The following GRID1 variants were observed in gnomAD, a reference collection of about 807,000 sequenced individuals.
The protein encoded by GRID1 is glutamate receptor ionotropic, delta-1.
In GRID1, 28 loss-of-function variants were observed where a neutral mutation model predicts 98.0. That is an observed-to-expected ratio of 0.29 (90% confidence interval 0.21 to 0.39). The LOEUF is 0.39. GRID1 is among the 10% of genes least tolerant of loss of function. GRID1 has a pLI of 1.00. For missense variants in GRID1, 1,111 were observed against 1,340.5 expected, an observed-to-expected ratio of 0.83 and a Z score of 2.67; for synonymous variants, 553 against 538.5, an observed-to-expected ratio of 1.03 and a Z score of -0.37.
intron 4 of GRID1, among the ~76,000 whole-genome samples, chr10:86,081,256 G>A (rs1484001751): frequency 1.3e-5 from 2 of 152,210 alleles, no homozygotes; most frequent in African/African-American, 4.8e-5. Context: ...GGCTGGGGAT[G>A]AAAATGGATG....
intron 6 of GRID1, 87 bp from the exon 7 acceptor site, chr10:85,856,277 G>A (rs117811337): frequency 0.059 from 71,694 of 1,205,188 alleles, 2,582 homozygotes; most frequent in Non-Finnish European, 0.07. Flanking sequence ...GAGGAATGCA[G>A]GATGCCAACA....
chr10:86,273,684 T>A (rs1221183344), intron 2 of GRID1, among the ~76,000 whole-genome samples: 1 of 152,200 alleles, frequency 6.6e-6, no homozygotes, highest in Non-Finnish European at 1.5e-5. Flanking sequence ...CATTTTTTCA[T>A]GTGTTTTTTG....
At chr10:86,001,956 T>C (rs1352733024) in intron 4 of GRID1, among the ~76,000 whole-genome samples, 1 of 152,208 alleles carries the variant, frequency 6.6e-6, no homozygotes, top group African/African-American at 2.4e-5. Flanking sequence ...TTCCTTGTCC[T>C]GTGGCAGTAT....
chr10:85,625,437 G>A (rs117365146), intron 13 of GRID1, among the ~76,000 whole-genome samples: 2,774 of 152,250 alleles, frequency 0.018, 42 homozygotes, highest in East Asian at 0.06. Flanking sequence ...TTCATTCTCC[G>A]CTTTTCCTAA....
chr10:86,193,719 C>A (rs1845836483), intron 3 of GRID1, among the ~76,000 whole-genome samples: 1 of 152,032 alleles, frequency 6.6e-6, no homozygotes, highest in Admixed American at 6.6e-5. Flanking sequence ...CAGCTCCAGG[C>A]CTGTCAGAGA....
chr10:86,132,965 G>C (rs564609886), intron 4 of GRID1, among the ~76,000 whole-genome samples: 6 of 152,232 alleles, frequency 3.9e-5, no homozygotes, highest in Non-Finnish European at 8.8e-5. Flanking sequence ...TCTTGTACCA[G>C]AGCAACGGAA....
At chr10:86,338,442 G>A (rs566206403) in intron 2 of GRID1, among the ~76,000 whole-genome samples, 1 of 152,320 alleles carries the variant, frequency 6.6e-6, no homozygotes, top group African/African-American at 2.4e-5. Context: ...AGCCTGCCCT[G>A]AATCCCCTTT....
chr10:86,129,985 C>T (rs1844809673), intron 4 of GRID1, among the ~76,000 whole-genome samples: 1 of 152,262 alleles, frequency 6.6e-6, no homozygotes, highest in African/African-American at 2.4e-5. Flanking sequence ...TCTCCTGGAA[C>T]TCCGCTGCTG....
At chr10:85,786,049 C>A (rs966100207) in intron 8 of GRID1, among the ~76,000 whole-genome samples, 8 of 152,088 alleles carry the variant, frequency 5.3e-5, no homozygotes, top group Non-Finnish European at 1.0e-4. Flanking sequence ...GACACATACA[C>A]ACCATATACA....
chr10:85,781,866 A>G (rs902320351), intron 8 of GRID1, among the ~76,000 whole-genome samples: 15 of 151,932 alleles, frequency 9.9e-5, no homozygotes, highest in Admixed American at 6.5e-4. Context: ...CTGGGCCTGG[A>G]TTTATACACA....
intron 2 of GRID1, among the ~76,000 whole-genome samples, chr10:86,338,365 G>A (rs181086636): frequency 1.3e-5 from 2 of 152,264 alleles, no homozygotes; most frequent in Admixed American, 6.5e-5. Flanking sequence ...AGTGGATGAC[G>A]TGGAAGGAGC....
chr10:85,599,802 A>AAAAAAAAAAAAAAAAAAAATATAT lies in GRID1; in HGVS notation c.*2470_*2471insATATATTTTTTTTTTTTTTTTTTT. On this transcript the variant is annotated 3_prime_UTR_variant, in exon 16 of 16. Transcript: ENST00000327946. The stretch of plus-strand genomic sequence containing the variant: ...GTAGAAAATTCTAAAAAAAAAAAAA[A>AAAAAAAAAAAAAAAAAAAATATAT]ATATATATATATATATATAAACATG... 2.6e-4 allele frequency: 17 copies of AAAAAAAAAAAAAAAAAAAATATAT among 64,966 alleles called. No individual in the cohort carries two copies. Among genetic ancestry groups the AAAAAAAAAAAAAAAAAAAATATAT allele is most frequent in the African/African-American group, 1.5e-3 (16 of 10,716 alleles). The allele number at this position is 64,966 out of a possible 1,614,324, so 4.0% of individuals were successfully genotyped here.
intron 14 of GRID1, among the ~76,000 whole-genome samples, chr10:85,618,956 T>G (rs1367373125): frequency 6.6e-6 from 1 of 152,188 alleles, no homozygotes; most frequent in Non-Finnish European, 1.5e-5. Flanking sequence ...AATTCATGCA[T>G]TAATCAGTCA....
chr10:85,746,277 C>T (rs1841995876), intron 8 of GRID1, among the ~76,000 whole-genome samples: 1 of 151,966 alleles, frequency 6.6e-6, no homozygotes, highest in Admixed American at 6.6e-5. Flanking sequence ...TCTTTGGGGT[C>T]CTTTAGAGAG....
At chr10:85,720,684 C>T (rs1841691206) in intron 12 of GRID1, among the ~76,000 whole-genome samples, 1 of 149,564 alleles carries the variant, frequency 6.7e-6, no homozygotes, top group South Asian at 2.1e-4. Flanking sequence ...AAAAAAAAAC[C>T]CCAAAACTCT....
At chr10:85,982,618 G>A (rs1411535069) in intron 4 of GRID1, among the ~76,000 whole-genome samples, 2 of 152,202 alleles carry the variant, frequency 1.3e-5, no homozygotes, top group Non-Finnish European at 2.9e-5. Context: ...GATAAGTTGG[G>A]ACATCTCTGA....
chr10:85,965,110 T>A (rs753157037), intron 4 of GRID1, among the ~76,000 whole-genome samples: 35 of 152,212 alleles, frequency 2.3e-4, no homozygotes, highest in Admixed American at 1.5e-3. Flanking sequence ...CCAGTTAGAA[T>A]GGCAATCATT....
chr10:85,767,481 C>T (rs991450850), intron 8 of GRID1, among the ~76,000 whole-genome samples: 2 of 152,140 alleles, frequency 1.3e-5, no homozygotes, highest in Non-Finnish European at 2.9e-5. Context: ...AAGCAGCATG[C>T]TTATTTTTAT....
chr10:86,286,344 A>T (rs759052107), intron 2 of GRID1, among the ~76,000 whole-genome samples: 5 of 152,138 alleles, frequency 3.3e-5, no homozygotes, highest in Non-Finnish European at 7.4e-5. Flanking sequence ...CCCAGGAAGG[A>T]CGCCTGAGGG....
Sources: gnomAD v4.1 joint callset for allele counts (sites outside exome capture counted in the v4.1 genomes callset) on GRCh38, gnomAD v4.1.1 for gene constraint, MANE v1.5 for transcripts, NCBI Gene and HGNC (gene_info 2026-07-23, HGNC 2026-07-21) for gene names.